Variants in GRM5 observed in about 807,000 individuals in gnomAD.
GRM5 encodes glutamate metabotropic receptor 5.
GRM5 carries 19 observed loss-of-function variants against 83.1 expected under a neutral mutation model. That is an observed-to-expected ratio of 0.23 (90% CI 0.16 to 0.34). The LOEUF (loss-of-function observed/expected upper bound fraction) is 0.34, where lower values mean the gene tolerates loss of function less well. Ranked by LOEUF, GRM5 falls within the 10% of genes least tolerant of loss-of-function variation. The probability of loss-of-function intolerance (pLI) is 1.00; values close to 1 mark genes in which losing one functional copy is unlikely to be tolerated. For synonymous variants in GRM5, 675 were observed against 633.6 expected (o/e 1.07, Z -0.98); for missense variants, 1,160 against 1,588.3 (o/e 0.73, Z 4.58).
intron 3 of GRM5, among the ~76,000 whole-genome samples, chr11:88,742,621 T>C (rs1460649583): frequency 6.6e-6 from 1 of 152,098 alleles, no homozygotes; most frequent in East Asian, 1.9e-4. Context: ...GAAGAGCCTA[T>C]GAGGAGAGGG....
rs753266346 is a variant in GRM5 at position 88,590,626 on chromosome 11, C to A, written c.1665G>T (p.Gly555=). The change falls in exon 7 of 10, where the codon GGG becomes GGT. Residue 555 remains glycine (G), a synonymous_variant. Transcript: ENST00000305447. The part of the protein sequence containing the change: ...DEYTCKACQL[G]SWPTDDLTGC... ...CTGTGAGATCATCAGTGGGCCAAGA[C>A]CCCAGTTGGCATGCCTTGCATGTGT... The A allele has an allele frequency of 1.9e-6, 3 of 1,610,642 alleles. No individual in the cohort carries two copies. The highest frequency in any genetic ancestry group is 3.3e-5 in the Admixed American group (2 of 60,008).
intron 3 of GRM5, among the ~76,000 whole-genome samples, chr11:88,664,192 A>G (rs894763088): frequency 2.6e-5 from 4 of 152,060 alleles, no homozygotes; most frequent in African/African-American, 9.7e-5. Context: ...TAATGTATGT[A>G]GTGTTTTTTT....
At chr11:88,978,715 T>G (rs1939422751) in intron 2 of GRM5, among the ~76,000 whole-genome samples, 1 of 151,866 alleles carries the variant, frequency 6.6e-6, no homozygotes, top group Admixed American at 6.6e-5. Flanking sequence ...AAGCAGCTAA[T>G]ATTTTGAGCA....
intron 3 of GRM5, among the ~76,000 whole-genome samples, chr11:88,734,168 C>T (rs1394700961): frequency 6.6e-6 from 1 of 151,826 alleles, no homozygotes; most frequent in Non-Finnish European, 1.5e-5. Context: ...AATTAAATAA[C>T]CTAAACAACA....
intron 8 of GRM5, among the ~76,000 whole-genome samples, chr11:88,549,646 G>T (rs563957953): frequency 6.6e-6 from 1 of 152,080 alleles, no homozygotes; most frequent in East Asian, 1.9e-4. Flanking sequence ...TATAGTATGT[G>T]TTTGGAGGTA....
chr11:88,611,392 A>T (rs1028691634), intron 4 of GRM5, among the ~76,000 whole-genome samples: 3 of 152,100 alleles, frequency 2.0e-5, no homozygotes, highest in Admixed American at 6.5e-5. Flanking sequence ...TCAATTTCAC[A>T]ATTTGTTATT....
intron 3 of GRM5, among the ~76,000 whole-genome samples, chr11:88,730,733 C>A (rs1941789191): frequency 6.6e-6 from 1 of 152,094 alleles, no homozygotes; most frequent in African/African-American, 2.4e-5. Context: ...ATGGATGAAG[C>A]TGGAAACCAT....
intron 2 of GRM5, among the ~76,000 whole-genome samples, chr11:89,009,930 A>AAAAAAAAAAAAAAAAAAAAAAAC (rs1316250515): frequency 1.0e-5 from 1 of 100,122 alleles, no homozygotes; most frequent in Admixed American, 1.2e-4. Flanking sequence ...AAAAAAAAAA[A>AAAAAAAAAAAAAAAAAAAAAAAC]CACACACAAA....
intron 3 of GRM5, among the ~76,000 whole-genome samples, chr11:88,820,805 G>T (rs1281068260): frequency 6.6e-6 from 1 of 152,120 alleles, no homozygotes; most frequent in Non-Finnish European, 1.5e-5. Context: ...GTCCTTTGGA[G>T]GCATGGATTC....
chr11:88,813,282 C>G (rs1366150792), intron 3 of GRM5, among the ~76,000 whole-genome samples: 2 of 152,120 alleles, frequency 1.3e-5, no homozygotes, highest in Non-Finnish European at 1.5e-5. Context: ...GTAGGGGGTA[C>G]TAAATGCTGT....
rs1591458812 is a variant in GRM5 at position 88,712,632 on chromosome 11, G to A, written c.912-59229C>T. On this transcript the variant is annotated intron_variant, in intron 3 of 9. Transcript: ENST00000305447. ...CTTAGGGTTAAAATGGTCTTATAAT[G>A]AATACTGTTCGTAGTTTGATGCCCA... 2.6e-5 allele frequency among the ~76,000 whole-genome samples: 4 copies of A among 151,950 alleles called. No homozygotes were observed. In the South Asian group the frequency reaches 8.3e-4, roughly 31 times the overall value.
At chr11:89,032,585 AT>A (rs1300389447) in intron 2 of GRM5, among the ~76,000 whole-genome samples, 5 of 152,044 alleles carry the variant, frequency 3.3e-5, no homozygotes, top group Non-Finnish European at 5.9e-5. Context: ...AGGAACTAAC[AT>A]TTTTGAACCC....
chr11:88,711,629 A>T (rs963656650), intron 3 of GRM5, among the ~76,000 whole-genome samples: 2 of 152,068 alleles, frequency 1.3e-5, no homozygotes, highest in Non-Finnish European at 2.9e-5. Flanking sequence ...CAGTTTCTTC[A>T]TCTATAAAAT....
chr11:88,987,489 G>A (rs975721086), intron 2 of GRM5, among the ~76,000 whole-genome samples: 1 of 152,000 alleles, frequency 6.6e-6, no homozygotes, highest in African/African-American at 2.4e-5. Context: ...CAGGAAGCTC[G>A]AACTGGGTGG....
intron 3 of GRM5, among the ~76,000 whole-genome samples, chr11:88,699,394 A>C (rs1331843120): frequency 3.3e-5 from 5 of 152,088 alleles, no homozygotes; most frequent in African/African-American, 1.2e-4. Context: ...TATCCTTTAA[A>C]ATGTGTGCAG....
intron 2 of GRM5, among the ~76,000 whole-genome samples, chr11:88,956,919 T>C (rs886923156): frequency 1.1e-4 from 16 of 152,224 alleles, no homozygotes; most frequent in African/African-American, 3.9e-4. Flanking sequence ...TAAAATTACA[T>C]ACCTTACTGG....
At chr11:88,556,259 C>A (rs1183362478) in intron 8 of GRM5, among the ~76,000 whole-genome samples, 2 of 151,508 alleles carry the variant, frequency 1.3e-5, no homozygotes, top group Non-Finnish European at 2.9e-5. Flanking sequence ...GAGATGACCC[C>A]AGGATTAGTG....
chr11:88,950,110 G>A (rs1312839429), intron 2 of GRM5, among the ~76,000 whole-genome samples: 4 of 150,866 alleles, frequency 2.7e-5, no homozygotes, highest in East Asian at 2.0e-4. Context: ...TCCTGACCTC[G>A]TGATCCGCCT....
chr11:88,761,154 C>T (rs1411366898), intron 3 of GRM5, among the ~76,000 whole-genome samples: 4 of 152,064 alleles, frequency 2.6e-5, no homozygotes, highest in African/African-American at 7.2e-5. Context: ...ATGAGGATGC[C>T]CTCTCTCACC....
Sources: gnomAD v4.1 joint callset for allele counts (sites outside exome capture counted in the v4.1 genomes callset) on GRCh38, gnomAD v4.1.1 for gene constraint, MANE v1.5 for transcripts, NCBI Gene and HGNC (gene_info 2026-07-23, HGNC 2026-07-21) for gene names.